Variants in GPR89B observed in about 807,000 individuals in gnomAD.
GPR89B encodes G protein-coupled receptor 89B.
In GPR89B, 25 loss-of-function variants were observed where a neutral mutation model predicts 52.4. The ratio of observed to expected loss-of-function variants is 0.48; its 90% CI spans 0.35 to 0.67. GPR89B has a LOEUF of 0.67. GPR89B is among the 30% of genes least tolerant of loss of function. GPR89B has a pLI of 0.01. For missense variants in GPR89B, 146 were observed against 450.2 expected (o/e 0.32, Z 6.11); for synonymous variants, 52 against 151.2 (o/e 0.34, Z 4.81).
intron 2 of GPR89B, 111 bp downstream of exon 2, chr1:147,936,797 A>C (rs1654128676): frequency 3.7e-6 from 3 of 803,856 alleles, no homozygotes; most frequent in Non-Finnish European, 6.2e-6. Context: ...AGCTTTTACC[A>C]AATAAGTACT....
intron 10 of GPR89B, among the ~76,000 whole-genome samples, chr1:147,982,722 ATAAATTACCTTGGGCAG>A (rs1658361187): frequency 7.2e-6 from 1 of 138,722 alleles, no homozygotes; most frequent in Non-Finnish European, 1.5e-5. Flanking sequence ...CATTGAATCT[ATAAATTACCTTGGGCAG>A]TATGGCCATT....
chr1:147,936,353 A>G (rs1467417600), intron 1 of GPR89B, among the ~76,000 whole-genome samples: 1 of 152,186 alleles, frequency 6.6e-6, no homozygotes. Flanking sequence ...GGCTCATATA[A>G]TGATTATCAT....
At chr1:147,991,023 A>G (rs1156232760) in intron 12 of GPR89B, among the ~76,000 whole-genome samples, 23 of 151,518 alleles carry the variant, frequency 1.5e-4, no homozygotes, top group Non-Finnish European at 4.4e-5. Context: ...CATTGAATCT[A>G]TAAATTACCT....
rs782001707 is a variant in GPR89B at position 147,943,440 on chromosome 1, C to T, written c.209C>T (p.Ser70Phe). The T allele has an allele frequency of 3.7e-6, 6 of 1,609,364 alleles. No individual in the cohort carries two copies. The highest frequency in any genetic ancestry group is 5.1e-6 in the Non-Finnish European group (6 of 1,177,126). Reference sequence around the variant, plus strand: ...ACAGTCTTTGACATTTATTTCAGCTCCCGTTATTTTCACTGGAAAATGAAC... The same window carrying T: ...ACAGTCTTTGACATTTATTTCAGCTTCCGTTATTTTCACTGGAAAATGAAC... ...FEILGVLNSS[S>F]RYFHWKMNLC... The change falls in exon 4 of 14, where the codon TCC becomes TTC. Residue 70 changes from serine to phenylalanine, a missense_variant and splice_region_variant. Ser to Phe is a radical substitution (Grantham distance 155). Coordinates refer to ENST00000314163, the MANE Select transcript of GPR89B (RefSeq NM_016334.5).
the GPR89B span, among the ~76,000 whole-genome samples, chr1:148,018,976 A>T: frequency 1.4e-5 from 2 of 147,808 alleles, no homozygotes; most frequent in Non-Finnish European, 3.0e-5. Flanking sequence ...TATTATTATT[A>T]TTATTATTAT....
Position 147,931,498 on chromosome 1 carries a change from G to T in GPR89B, c.42+2920G>T, listed in dbSNP as rs1189050511. Among the ~76,000 whole-genome samples the T allele has an allele frequency of 2.0e-5, 3 of 151,328 alleles. No individual in the cohort carries two copies. In the East Asian group the frequency reaches 5.8e-4, roughly 29 times the overall value. On this transcript the variant is annotated intron_variant, in intron 1 of 13. Coordinates refer to ENST00000314163, the MANE Select transcript of GPR89B (RefSeq NM_016334.5). ...TGCATTTTGCTTCTGCTTTCTTTTT[G>T]GATCCTCTATAATCTTGCCAGAATT... is the stretch of plus-strand genomic sequence containing the variant.
the GPR89B span, among the ~76,000 whole-genome samples, chr1:148,004,454 C>G: frequency 1.4e-5 from 2 of 145,796 alleles, no homozygotes; most frequent in Non-Finnish European, 3.0e-5. Flanking sequence ...CGTGAGCCAC[C>G]GCGCCCGGCC....
chr1:147,933,539 G>A (rs1653825148), intron 1 of GPR89B, among the ~76,000 whole-genome samples: 1 of 151,856 alleles, frequency 6.6e-6, no homozygotes, highest in Non-Finnish European at 1.5e-5. Context: ...TGTCCCTCAG[G>A]CCCTTAGTGT....
At chr1:147,935,600 T>C (rs1654018183) in intron 1 of GPR89B, among the ~76,000 whole-genome samples, 1 of 152,176 alleles carries the variant, frequency 6.6e-6, no homozygotes, top group Non-Finnish European at 1.5e-5. Flanking sequence ...CACTTTTATG[T>C]AGATTAGGCA....
downstream of GPR89B, among the ~76,000 whole-genome samples, chr1:147,994,970 A>T (rs1328410011): frequency 6.6e-6 from 1 of 152,210 alleles, no homozygotes; most frequent in Non-Finnish European, 1.5e-5. Context: ...ATCCAGGAAA[A>T]ATTGGGCAAA....
Position 147,928,720 on chromosome 1 carries a change from G to A in GPR89B, c.42+142G>A, listed in dbSNP as rs1374959537. On this transcript the variant is annotated intron_variant, in intron 1 of 13. Transcript: ENST00000314163. ...CCAGTCACTCTGGCACACAGAGAGG[G>A]TGTGCGATTTGCTGCGGCCGGTTCC... The A allele has an allele frequency of 1.1e-5, 15 of 1,308,918 alleles. No homozygotes were observed. In the Admixed American group the frequency reaches 2.8e-4, roughly 25 times the overall value. 81.1% of individuals were successfully genotyped at this position (1,308,918 alleles called of 1,614,324 possible). A position where few individuals can be genotyped will look rare whatever the true frequency, so the allele number is the denominator to read the frequency against.
At chr1:148,018,418 C>CAA in the GPR89B span, among the ~76,000 whole-genome samples, 57 of 58,998 alleles carry the variant, frequency 9.7e-4, no homozygotes, top group African/African-American at 2.9e-3. Flanking sequence ...GACTCCGTCT[C>CAA]AAAAAAAAAA....
the GPR89B span, among the ~76,000 whole-genome samples, chr1:148,000,811 C>A: frequency 4.0e-5 from 6 of 148,356 alleles, no homozygotes; most frequent in African/African-American, 1.5e-4. Context: ...ACAAAAAAAC[C>A]TTAAAACATG....
chr1:147,963,759 C>T (rs1360206676), intron 7 of GPR89B, among the ~76,000 whole-genome samples: 1 of 152,096 alleles, frequency 6.6e-6, no homozygotes, highest in East Asian at 1.9e-4. Flanking sequence ...TAGAATGGTA[C>T]AGTCCCTCTG....
rs761033503 is a variant in GPR89B at position 147,928,463 on chromosome 1, G to T, written c.-74G>T. On this transcript the variant is annotated 5_prime_UTR_variant, in exon 1 of 14. Coordinates refer to ENST00000314163, the MANE Select transcript of GPR89B (RefSeq NM_016334.5). ...CCTGGGAGAAGGCAGACCGTGTGAG[G>T]GGGCCTGTGGCCCCAGCGTGCTGTG... 5.1e-6 allele frequency: 8 copies of T among 1,580,140 alleles called. No individual in the cohort carries two copies. The East Asian group carries it at 1.3e-4, about 27-fold the overall frequency.
chr1:148,000,048 A>G, the GPR89B span, among the ~76,000 whole-genome samples: 2 of 152,212 alleles, frequency 1.3e-5, no homozygotes, highest in Non-Finnish European at 2.9e-5. Context: ...CACTTGGACT[A>G]TCAAGTTTCT....
chr1:147,968,083 T>G (rs1657161111), intron 8 of GPR89B: 1 of 356,934 alleles, frequency 2.8e-6, no homozygotes. Context: ...TGTTTATTAC[T>G]TAAAAGTTCA....
chr1:147,996,112 CAT>C (rs1466858760), downstream of GPR89B, among the ~76,000 whole-genome samples: 34 of 152,164 alleles, frequency 2.2e-4, no homozygotes, highest in Non-Finnish European at 1.5e-5. Flanking sequence ...GGTTCAGCGT[CAT>C]ATGTCTTCTG....
intron 7 of GPR89B, among the ~76,000 whole-genome samples, chr1:147,963,746 A>G (rs1455020376): frequency 6.6e-6 from 1 of 152,118 alleles, no homozygotes; most frequent in Non-Finnish European, 1.5e-5. Flanking sequence ...GCTGGCATCC[A>G]TGTAGAATGG....
Sources: allele counts gnomAD v4.1 joint callset (sites outside exome capture counted in the v4.1 genomes callset), GRCh38; gene constraint gnomAD v4.1.1; transcripts MANE v1.5; gene names NCBI Gene and HGNC (gene_info 2026-07-23, HGNC 2026-07-21).